NR6A1: variants seen among roughly 807,000 people sequenced by gnomAD.
NR6A1 encodes nuclear receptor subfamily 6 group A member 1.
In NR6A1, 7 loss-of-function variants were observed where a neutral mutation model predicts 59.1. The ratio of observed to expected loss-of-function variants is 0.12; its 90% CI spans 0.07 to 0.22. The LOEUF is 0.22. Ranked by LOEUF, NR6A1 falls within the 10% of genes least tolerant of loss-of-function variation. The pLI is 1.00. For missense variants in NR6A1, 468 were observed against 611.6 expected (o/e 0.77, Z 2.48); for synonymous variants, 243 against 236.1 (o/e 1.03, Z -0.27).
At chr9:124,591,551 G>GT (rs1049021739) in intron 2 of NR6A1, among the ~76,000 whole-genome samples, 3 of 152,102 alleles carry the variant, frequency 2.0e-5, no homozygotes, top group African/African-American at 4.8e-5. Context: ...AGTAGTTTTT[G>GT]TTTTTTTGTT....
chr9:124,542,219 C>T (rs539417584), intron 4 of NR6A1, among the ~76,000 whole-genome samples: 2 of 152,096 alleles, frequency 1.3e-5, no homozygotes, highest in African/African-American at 4.8e-5. Context: ...TTAGTCCAGA[C>T]CAAGAAACAA....
At chr9:124,759,860 T>C (rs965614149) in intron 1 of NR6A1, among the ~76,000 whole-genome samples, 1 of 152,034 alleles carries the variant, frequency 6.6e-6, no homozygotes, top group African/African-American at 2.4e-5. Context: ...GCCAACACAG[T>C]GACACCCTGT....
chr9:124,575,338 C>T (rs1834556868), intron 2 of NR6A1, among the ~76,000 whole-genome samples: 1 of 152,158 alleles, frequency 6.6e-6, no homozygotes, highest in South Asian at 2.1e-4. Context: ...CTTTGGGAGG[C>T]TAAGGCGGGC....
intron 2 of NR6A1, among the ~76,000 whole-genome samples, chr9:124,721,650 A>G (rs1324218100): frequency 1.3e-5 from 2 of 152,216 alleles, no homozygotes; most frequent in African/African-American, 4.8e-5. Flanking sequence ...TCGGGAACCT[A>G]TTCCACAATG....
At chr9:124,656,559 G>A (rs376451020) in intron 2 of NR6A1, among the ~76,000 whole-genome samples, 120 of 152,246 alleles carry the variant, frequency 7.9e-4, no homozygotes, top group East Asian at 6.0e-3. Context: ...GGCTAGGCAC[G>A]GTGGGCTCAT....
intron 7 of NR6A1, among the ~76,000 whole-genome samples, chr9:124,532,489 T>TA (rs1486384290): frequency 1.3e-5 from 2 of 152,214 alleles, no homozygotes; most frequent in Non-Finnish European, 2.9e-5. Flanking sequence ...CCCAGTCCAC[T>TA]AAATCAAGGA....
At chr9:124,643,600 C>CA (rs758727432) in intron 2 of NR6A1, among the ~76,000 whole-genome samples, 3,086 of 93,210 alleles carry the variant, frequency 0.033, 82 homozygotes, top group East Asian at 0.2. Context: ...GACCCAATCT[C>CA]AAAAAAAAAA....
chr9:124,522,659 C>T lies in NR6A1; in HGVS notation c.*46G>A. On this transcript the variant is annotated 3_prime_UTR_variant, in exon 10 of 10. Transcript: ENST00000487099. ...CTTTTCCCTCCAGAGCCTGTCCTGC[C>T]CACCCAAGACGCTGTGGTTGGCCTG... The T allele has an allele frequency of 2.0e-6, 3 of 1,492,344 alleles. No individual in the cohort carries two copies. Among genetic ancestry groups the T allele is most frequent in the Non-Finnish European group, 2.7e-6 (3 of 1,097,008 alleles). The allele number at this position is 1,492,344 out of a possible 1,614,324, so 92.4% of individuals were successfully genotyped here.
intron 2 of NR6A1, among the ~76,000 whole-genome samples, chr9:124,618,820 T>G (rs947171939): frequency 6.6e-6 from 1 of 152,208 alleles, no homozygotes; most frequent in African/African-American, 2.4e-5. Context: ...ACTACAGTCA[T>G]AATAAATAAT....
intron 6 of NR6A1, 54 bp downstream of exon 6, chr9:124,538,038 G>T: frequency 6.8e-7 from 1 of 1,460,132 alleles, no homozygotes; most frequent in South Asian, 1.3e-5. Context: ...GAGTGGGTGT[G>T]GGGTAGGGAC....
At chr9:124,596,319 G>A (rs1260722706) in intron 2 of NR6A1, among the ~76,000 whole-genome samples, 1 of 151,952 alleles carries the variant, frequency 6.6e-6, no homozygotes, top group Non-Finnish European at 1.5e-5. Flanking sequence ...GGGGTATGGG[G>A]GGCGTGCAGA....
At chr9:124,535,766 T>A in intron 7 of NR6A1, 112 bp downstream of exon 7, 1 of 1,329,706 alleles carries the variant, frequency 7.5e-7, no homozygotes, top group Non-Finnish European at 1.0e-6. Context: ...AGGATTCAAA[T>A]CCAGGCCTAT....
chr9:124,532,855 A>G (rs1001476910), intron 7 of NR6A1, among the ~76,000 whole-genome samples: 6 of 152,226 alleles, frequency 3.9e-5, no homozygotes, highest in Admixed American at 1.3e-4. Context: ...ATTTTAATAA[A>G]TTTACATTTT....
At chr9:124,734,688 G>A (rs1038138349) in intron 1 of NR6A1, among the ~76,000 whole-genome samples, 15 of 152,176 alleles carry the variant, frequency 9.9e-5, no homozygotes, top group Admixed American at 8.5e-4. Context: ...GCGAGACGCT[G>A]TCTCAAAAAA....
chr9:124,560,490 C>A (rs184903514), intron 2 of NR6A1, among the ~76,000 whole-genome samples: 2 of 152,300 alleles, frequency 1.3e-5, no homozygotes, highest in East Asian at 3.9e-4. Flanking sequence ...GGCCTTCTAG[C>A]AAAACACTGA....
intron 2 of NR6A1, among the ~76,000 whole-genome samples, chr9:124,562,356 T>C (rs1196783475): frequency 2.0e-5 from 3 of 152,036 alleles, no homozygotes; most frequent in East Asian, 3.8e-4. Flanking sequence ...CAAACATTAT[T>C]AGAAAAAAGG....
At chr9:124,574,369 A>C (rs1344202749) in intron 2 of NR6A1, among the ~76,000 whole-genome samples, 1 of 152,246 alleles carries the variant, frequency 6.6e-6, no homozygotes, top group Non-Finnish European at 1.5e-5. Context: ...ATGAGGAGTA[A>C]GAATTTAGTC....
rs569755440 is a variant in NR6A1, at chr9:124,770,948, G to A, written c.100+72C>T. ...TCCCAGGGCGAGGGTCGGCAGAGAG[G>A]AGGGGGATCCCTGGCGGAGGCTCAG... is the stretch of plus-strand genomic sequence containing the variant. On this transcript the variant is annotated intron_variant, in intron 1 of 9. Transcript: ENST00000487099. The A allele has an allele frequency of 6.1e-5, 54 of 878,466 alleles. 1 individual carries two copies. In the South Asian group the frequency reaches 1.0e-3, roughly 17 times the overall value. 54.4% of individuals were successfully genotyped at this position (878,466 alleles called of 1,614,324 possible). A position where few individuals can be genotyped will look rare whatever the true frequency, so the allele number is the denominator to read the frequency against.
intron 9 of NR6A1, 120 bp downstream of exon 9, chr9:124,524,601 A>G: frequency 9.0e-7 from 1 of 1,108,678 alleles, no homozygotes; most frequent in Middle Eastern, 2.6e-4. Flanking sequence ...AAGGGTGAGA[A>G]CTCTTTCATG....
Sources: gnomAD v4.1 joint callset for allele counts (sites outside exome capture counted in the v4.1 genomes callset) on GRCh38, gnomAD v4.1.1 for gene constraint, MANE v1.5 for transcripts, NCBI Gene and HGNC (gene_info 2026-07-23, HGNC 2026-07-21) for gene names.